Variants in CLVS1 observed in about 807,000 individuals in gnomAD.
CLVS1 encodes the protein clavesin-1.
A neutral mutation model predicts 33.1 loss-of-function variants in CLVS1; 10 were observed. The observed-to-expected ratio is 0.30, with a 90% CI of 0.19 to 0.51. The LOEUF (loss-of-function observed/expected upper bound fraction) is 0.51, where lower values mean the gene tolerates loss of function less well. CLVS1 is among the 20% of genes least tolerant of loss of function. The pLI is 0.97. For synonymous variants in CLVS1, 163 were observed against 166.1 expected, an observed-to-expected ratio of 0.98 and a Z score of 0.14; for missense variants, 343 against 433.4, an observed-to-expected ratio of 0.79 and a Z score of 1.85.
At chr8:61,415,351 G>A (rs1428665766) in intron 3 of CLVS1, among the ~76,000 whole-genome samples, 1 of 152,200 alleles carries the variant, frequency 6.6e-6, no homozygotes, top group Non-Finnish European at 1.5e-5. Context: ...ACAGCATCTA[G>A]GGCTGTACTG....
intron 2 of CLVS1, among the ~76,000 whole-genome samples, chr8:61,163,731 T>G (rs4738871): frequency 0.76 from 116,320 of 152,104 alleles, 45,565 homozygotes; most frequent in Middle Eastern, 0.93. Flanking sequence ...TGTTCAGCTC[T>G]ATTAGGACGA....
chr8:61,313,509 A>C (rs1810911554), intron 2 of CLVS1, among the ~76,000 whole-genome samples: 1 of 152,220 alleles, frequency 6.6e-6, no homozygotes, highest in Admixed American at 6.5e-5. Context: ...CATGCCAGTC[A>C]TTTAGGAAAG....
At chr8:61,445,405 C>G (rs1299359827) in intron 3 of CLVS1, among the ~76,000 whole-genome samples, 7 of 152,130 alleles carry the variant, frequency 4.6e-5, no homozygotes, top group Admixed American at 3.9e-4. Flanking sequence ...ACTTCTCACT[C>G]TAGTTCCTGG....
intron 2 of CLVS1, 48 bp from the exon 3 acceptor site, chr8:61,376,557 T>A: frequency 1.3e-6 from 2 of 1,575,464 alleles, no homozygotes; most frequent in South Asian, 2.3e-5. Flanking sequence ...CAACATGCTA[T>A]CACCTGCTCA....
the CLVS1 span, among the ~76,000 whole-genome samples, chr8:61,049,748 A>G: frequency 6.6e-5 from 10 of 152,246 alleles, no homozygotes; most frequent in Admixed American, 5.2e-4. Flanking sequence ...AAAAATAATT[A>G]TAGATCCTTT....
chr8:61,268,483 G>A (rs1381548674), intron 2 of CLVS1, among the ~76,000 whole-genome samples: 3 of 151,502 alleles, frequency 2.0e-5, no homozygotes, highest in South Asian at 2.1e-4. Context: ...ACATACGTGT[G>A]CATGTGTATT....
chr8:61,362,220 A>T (rs76951838), intron 2 of CLVS1, among the ~76,000 whole-genome samples: 1 of 152,186 alleles, frequency 6.6e-6, no homozygotes, highest in African/African-American at 2.4e-5. Context: ...TCTCCCTAAG[A>T]ATGGGACATT....
intron 2 of CLVS1, among the ~76,000 whole-genome samples, chr8:61,361,175 C>T (rs1812961552): frequency 6.6e-6 from 1 of 152,154 alleles, no homozygotes; most frequent in African/African-American, 2.4e-5. Flanking sequence ...GAACTCTGCC[C>T]CCATGATACA....
chr8:60,976,248 CTA>C, the CLVS1 span, among the ~76,000 whole-genome samples: 4 of 152,054 alleles, frequency 2.6e-5, no homozygotes, highest in Non-Finnish European at 5.9e-5. Context: ...TGATGAGAGA[CTA>C]TGAAAAAGTG....
At chr8:61,432,038 G>T (rs1816133497) in intron 3 of CLVS1, among the ~76,000 whole-genome samples, 1 of 152,154 alleles carries the variant, frequency 6.6e-6, no homozygotes, top group South Asian at 2.1e-4. Flanking sequence ...CTCTGGGTTT[G>T]GCCAATGCAT....
intron 2 of CLVS1, among the ~76,000 whole-genome samples, chr8:61,191,406 A>C (rs1807473463): frequency 6.6e-6 from 1 of 152,218 alleles, no homozygotes; most frequent in Admixed American, 6.5e-5. Flanking sequence ...TGACAAACCC[A>C]CAGTCAATAT....
intron 2 of CLVS1, among the ~76,000 whole-genome samples, chr8:61,348,574 A>G (rs1812324121): frequency 6.6e-6 from 1 of 152,176 alleles, no homozygotes; most frequent in African/African-American, 2.4e-5. Flanking sequence ...ATGGCTGAAT[A>G]GTATTTCCTT....
intron 1 of CLVS1, among the ~76,000 whole-genome samples, chr8:61,127,421 G>A (rs1009830399): frequency 1.3e-5 from 2 of 152,060 alleles, no homozygotes; most frequent in African/African-American, 4.8e-5. Flanking sequence ...GTTTCACCAT[G>A]TTGGTCAGGC....
intron 3 of CLVS1, among the ~76,000 whole-genome samples, chr8:61,391,722 A>G (rs1814312697): frequency 6.6e-6 from 1 of 152,220 alleles, no homozygotes; most frequent in Admixed American, 6.5e-5. Flanking sequence ...AGAAATTATG[A>G]ATGACTTTTT....
chr8:61,300,041 G>C lies in CLVS1; in HGVS notation c.214G>C (p.Asp72His). The change falls in exon 2 of 6, where the codon GAT becomes CAT. Residue 72 changes from aspartate to histidine, a missense_variant. This residue lies in a region of CLVS1 where 166 missense variants were observed against 244.0 expected (regional missense o/e 0.68). Coordinates refer to ENST00000325897, the MANE Select transcript of CLVS1 (RefSeq NM_173519.3). ...TRPDIGFLRT[D>H]DAFILRFLRA... ...GCCTGACATTGGATTTTTACGTACAGATGATGCCTTCATCCTGAGATTTCT... is the reference window on the plus strand; with the variant it reads ...GCCTGACATTGGATTTTTACGTACACATGATGCCTTCATCCTGAGATTTCT... 6.2e-7 allele frequency: 1 copy of C among 1,614,042 alleles called. No individual in the cohort carries two copies. The highest frequency in any genetic ancestry group is 8.5e-7 in the Non-Finnish European group (1 of 1,179,982).
chr8:61,234,833 G>T (rs899615820), intron 2 of CLVS1, among the ~76,000 whole-genome samples: 1 of 152,072 alleles, frequency 6.6e-6, no homozygotes, highest in African/African-American at 2.4e-5. Flanking sequence ...CAGCATAACT[G>T]GTGTAATTAT....
chr8:61,308,795 A>T (rs1659896862), intron 2 of CLVS1, among the ~76,000 whole-genome samples: 1 of 152,144 alleles, frequency 6.6e-6, no homozygotes, highest in Admixed American at 6.5e-5. Flanking sequence ...TCCCACAAGG[A>T]TCTATGTTTG....
chr8:61,381,180 T>G (rs1813864288), intron 3 of CLVS1, among the ~76,000 whole-genome samples: 1 of 152,048 alleles, frequency 6.6e-6, no homozygotes, highest in South Asian at 2.1e-4. Context: ...GTTAAAGATG[T>G]TTTTTATGAC....
At chr8:61,194,435 C>G (rs937410798) in intron 2 of CLVS1, among the ~76,000 whole-genome samples, 3 of 152,106 alleles carry the variant, frequency 2.0e-5, no homozygotes, top group Middle Eastern at 3.4e-3. Context: ...GCTGATATAT[C>G]AATGTCAGAC....
Sources: allele counts gnomAD v4.1 joint callset (sites outside exome capture counted in the v4.1 genomes callset), GRCh38; gene constraint gnomAD v4.1.1; regional missense constraint gnomAD v4.1.1; transcripts MANE v1.5; gene names NCBI Gene and HGNC (gene_info 2026-07-23, HGNC 2026-07-21).